Variants in ZNF728 observed in about 807,000 individuals in gnomAD.
ZNF728 encodes zinc finger protein 728.
Under a neutral mutation model 12.5 loss-of-function variants are expected in ZNF728, and 12 were observed. The ratio of observed to expected loss-of-function variants is 0.96; its 90% CI spans 0.61 to 1.55. The LOEUF is 1.55. Ranked by LOEUF, ZNF728 falls within the 40% of genes most tolerant of loss-of-function variation. The pLI is 0.00. For synonymous variants in ZNF728, 205 were observed against 240.7 expected (o/e 0.85, Z 1.37); for missense variants, 692 against 719.2 (o/e 0.96, Z 0.43).
At chr19:22,977,841 A>G (rs1968822782) in intron 3 of ZNF728, among the ~76,000 whole-genome samples, 1 of 152,202 alleles carries the variant, frequency 6.6e-6, no homozygotes, top group Non-Finnish European at 1.5e-5. Flanking sequence ...AATCTCAAAG[A>G]TTACAATCTA....
intron 1 of ZNF728, among the ~76,000 whole-genome samples, chr19:22,990,363 TAA>T (rs1417519305): frequency 5.3e-5 from 8 of 152,170 alleles, no homozygotes; most frequent in Admixed American, 3.3e-4. Flanking sequence ...AAGATGCCTT[TAA>T]AAGAGTCAGC....
intron 1 of ZNF728, among the ~76,000 whole-genome samples, chr19:22,992,613 GT>G (rs759120894): frequency 5.9e-5 from 9 of 152,012 alleles, no homozygotes; most frequent in Non-Finnish European, 1.3e-4. Flanking sequence ...AGCCCAATTA[GT>G]TTATCTGTCT....
intron 1 of ZNF728, 43 bp downstream of exon 1, chr19:23,002,985 A>G (rs1381746575): frequency 5.0e-6 from 8 of 1,587,328 alleles, no homozygotes; most frequent in Non-Finnish European, 5.1e-6. Context: ...GGTTCCAACC[A>G]GCGGCTGCCA....
chr19:22,987,857 G>T (rs116724792), intron 2 of ZNF728, among the ~76,000 whole-genome samples: 1 of 152,156 alleles, frequency 6.6e-6, no homozygotes, highest in African/African-American at 2.4e-5. Flanking sequence ...GTTGGGAGCC[G>T]AAAGGCTGAG....
rs1245883282 is a variant in ZNF728, at chr19:22,977,058, A to G, written c.279T>C (p.Asp93=). 6.2e-7 allele frequency: 1 copy of G among 1,612,442 alleles called. No individual in the cohort carries two copies. The highest frequency in any genetic ancestry group is 8.5e-7 in the Non-Finnish European group (1 of 1,179,422). ...TTCTCAATATCACTTTTTGGAAAGAATCTTCTCTGCCCTGCTCTGGCCAAA... is the reference window on the plus strand; with the variant it reads ...TTCTCAATATCACTTTTTGGAAAGAGTCTTCTCTGCCCTGCTCTGGCCAAA... ...QDLWPEQGRE[D]SFQKVILRRY... Residue 93 remains aspartate (D), a synonymous_variant, in exon 4 of 4, where the codon GAT becomes GAC. Transcript: ENST00000594710.
intron 1 of ZNF728, among the ~76,000 whole-genome samples, chr19:23,000,393 C>CA (rs770794743): frequency 0.04 from 5,345 of 132,416 alleles, 123 homozygotes; most frequent in Non-Finnish European, 0.064. Context: ...AACAAAAAAA[C>CA]AAAAAAAAAA....
intron 1 of ZNF728, among the ~76,000 whole-genome samples, chr19:23,001,392 T>C (rs544059804): frequency 2.0e-5 from 3 of 152,350 alleles, no homozygotes; most frequent in Admixed American, 1.3e-4. Context: ...ACCTGCTCTC[T>C]TGAGAAGCTA....
chr19:22,989,203 T>C (rs988999856), intron 1 of ZNF728, among the ~76,000 whole-genome samples: 3 of 148,628 alleles, frequency 2.0e-5, no homozygotes, highest in Non-Finnish European at 4.4e-5. Flanking sequence ...GAGATCCCAT[T>C]AATGCAGATT....
chr19:22,992,836 G>A (rs2145348755), intron 1 of ZNF728, among the ~76,000 whole-genome samples: 1 of 152,278 alleles, frequency 6.6e-6, no homozygotes, highest in African/African-American at 2.4e-5. Context: ...AGATTCAGAG[G>A]TGATTGTGAG....
chr19:22,993,236 T>A (rs1245475191), intron 1 of ZNF728, among the ~76,000 whole-genome samples: 1 of 152,232 alleles, frequency 6.6e-6, no homozygotes, highest in Non-Finnish European at 1.5e-5. Flanking sequence ...AATGTCTATG[T>A]TGATATCTCA....
intron 3 of ZNF728, among the ~76,000 whole-genome samples, chr19:22,980,232 T>C (rs1206603195): frequency 6.9e-6 from 1 of 145,972 alleles, no homozygotes; most frequent in East Asian, 2.0e-4. Context: ...GTTGCAATCC[T>C]AGTCTCTGAT....
Position 22,976,340 on chromosome 19 carries a change from T to C in ZNF728, c.997A>G (p.Ile333Val). 6.2e-7 allele frequency: 1 copy of C among 1,612,902 alleles called. No individual in the cohort carries two copies. The highest frequency in any genetic ancestry group is 8.5e-7 in the Non-Finnish European group (1 of 1,179,848). ...RSSNLMEHKRIHTGEKPCKCE... is the reference protein window; with the variant it reads ...RSSNLMEHKRVHTGEKPCKCE... Reference sequence around the variant, plus strand: ...TTGCAGGGCTTCTCTCCAGTATGAATTCTCTTATGTTCCATAAGGTTTGAG... The same window carrying C: ...TTGCAGGGCTTCTCTCCAGTATGAACTCTCTTATGTTCCATAAGGTTTGAG... Residue 333 changes from isoleucine (I) to valine (V), a missense_variant, in exon 4 of 4, where the codon ATT becomes GTT. Ile to Val is a conservative substitution (Grantham distance 29, BLOSUM62 3). Around this residue, in one of 3 missense-constraint regions of ZNF728, gnomAD observed 440 missense variants for 459.6 expected, o/e 0.96. Transcript: ENST00000594710.
intron 1 of ZNF728, among the ~76,000 whole-genome samples, chr19:23,002,800 C>A (rs1969126424): frequency 1.3e-5 from 2 of 152,212 alleles, no homozygotes; most frequent in African/African-American, 4.8e-5. Flanking sequence ...GGGCTCCAGG[C>A]CAGGGCACAA....
chr19:22,985,938 G>A (rs1363488325), intron 3 of ZNF728: 3 of 164,734 alleles, frequency 1.8e-5, no homozygotes, highest in Non-Finnish European at 3.9e-5. Context: ...CCTGACTGCA[G>A]AAACCTGCCC....
chr19:22,981,998 C>T (rs908439776), intron 3 of ZNF728, among the ~76,000 whole-genome samples: 5 of 152,272 alleles, frequency 3.3e-5, no homozygotes. Context: ...CTCACCACTC[C>T]CATTCAACAT....
chr19:22,992,211 T>C (rs1968996208), intron 1 of ZNF728, among the ~76,000 whole-genome samples: 1 of 152,106 alleles, frequency 6.6e-6, no homozygotes, highest in South Asian at 2.1e-4. Context: ...GCCAGGATGG[T>C]AGGAACCATG....
rs570414421 is a variant in ZNF728 at position 22,988,460 on chromosome 19, C to T, written c.4-9G>A. The T allele has an allele frequency of 4.9e-5, 79 of 1,613,012 alleles. No individual in the cohort carries two copies. The highest frequency in any genetic ancestry group is 6.5e-5 in the Non-Finnish European group (77 of 1,179,712). On this transcript the variant is annotated splice_polypyrimidine_tract_variant and intron_variant, in intron 1 of 3. Coordinates refer to ENST00000594710, the MANE Select transcript of ZNF728 (RefSeq NM_001267716.2). ...CGAAATGTCAACGATCCCTGGAAAACACACACAAACACACATATTTACCAA... is the reference window on the plus strand; with the variant it reads ...CGAAATGTCAACGATCCCTGGAAAATACACACAAACACACATATTTACCAA...
intron 3 of ZNF728, among the ~76,000 whole-genome samples, chr19:22,979,813 A>G (rs1352016373): frequency 1.3e-5 from 2 of 151,956 alleles, no homozygotes; most frequent in Non-Finnish European, 2.9e-5. Flanking sequence ...GCAAATGCTG[A>G]GATTTTGTCA....
intron 1 of ZNF728, among the ~76,000 whole-genome samples, chr19:22,998,594 C>T (rs1969074739): frequency 6.6e-6 from 1 of 152,106 alleles, no homozygotes; most frequent in African/African-American, 2.4e-5. Flanking sequence ...ACTCCCATAA[C>T]CTTTCTGAAA....
Sources: gnomAD v4.1 joint callset for allele counts (sites outside exome capture counted in the v4.1 genomes callset) on GRCh38, gnomAD v4.1.1 for gene constraint, gnomAD v4.1.1 regional missense constraint, MANE v1.5 for transcripts, NCBI Gene and HGNC (gene_info 2026-07-23, HGNC 2026-07-21) for gene names.